WDR72: variants seen among roughly 807,000 people sequenced by gnomAD.
WDR72 encodes the protein WD repeat-containing protein 72.
A neutral mutation model predicts 124.2 loss-of-function variants in WDR72; 120 were observed. That is an observed-to-expected ratio of 0.97 (90% CI 0.83 to 1.12). The LOEUF is 1.12. Ranked by LOEUF, WDR72 falls within the 50% of genes most tolerant of loss-of-function variation. The pLI, the probability that WDR72 is intolerant of heterozygous loss-of-function variation, is 0.00. For missense variants in WDR72, 1,387 were observed against 1,278.8 expected (o/e 1.08, Z -1.29); for synonymous variants, 452 against 441.7 (o/e 1.02, Z -0.29).
Position 53,523,242 on chromosome 15 carries a change from C to T in WDR72, c.3229G>A (p.Ala1077Thr), listed in dbSNP as rs1363812323. 1 of 1,613,092 alleles carries T rather than the reference C, an allele frequency of 6.2e-7. No individual in the cohort carries two copies. Among genetic ancestry groups the T allele is most frequent in the Admixed American group, 1.7e-5 (1 of 59,954 alleles). ...CCTGGACTCTCAGACTCTTCCAAGGCACATCTGTCAGGCATGTCCTCCACG... is the reference window on the plus strand; with the variant it reads ...CCTGGACTCTCAGACTCTTCCAAGGTACATCTGTCAGGCATGTCCTCCACG... ...QDVEDMPDRCALEESESPGEP... is the reference protein window; with the variant it reads ...QDVEDMPDRCTLEESESPGEP... Residue 1077 changes from alanine to threonine, a missense_variant, in exon 19 of 20, where the codon GCC becomes ACC. Ala to Thr is a moderately conservative substitution (Grantham distance 58). Transcript: ENST00000360509.
intron 14 of WDR72, among the ~76,000 whole-genome samples, chr15:53,644,900 C>T (rs2140417748): frequency 6.6e-6 from 1 of 152,202 alleles, no homozygotes; most frequent in East Asian, 1.9e-4. Context: ...CATGGGGCCA[C>T]TACGCATCTT....
intron 17 of WDR72, among the ~76,000 whole-genome samples, chr15:53,600,533 T>A (rs1263693077): frequency 2.0e-5 from 3 of 152,180 alleles, no homozygotes; most frequent in Admixed American, 6.6e-5. Context: ...CTGGGACATA[T>A]GCTTATTAAC....
rs79860704 is a variant in WDR72, at chr15:53,638,340, A to T, written c.1963-22097T>A. Reference sequence around the variant, plus strand: ...GCAAAGTAAGAGATGCTCAGGTCCAATATCCAATCTAGCAGGGCTTTCATT... The same window carrying T: ...GCAAAGTAAGAGATGCTCAGGTCCATTATCCAATCTAGCAGGGCTTTCATT... On this transcript the variant is annotated intron_variant, in intron 14 of 19. Transcript: ENST00000360509. Among the ~76,000 whole-genome samples the T allele has an allele frequency of 1.5e-3, 232 of 152,306 alleles. 7 individuals carry two copies. In the East Asian group the frequency reaches 0.042, roughly 28 times the overall value.
chr15:53,710,376 C>CAG (rs1013194568), intron 9 of WDR72, among the ~76,000 whole-genome samples: 21 of 125,042 alleles, frequency 1.7e-4, no homozygotes, highest in Non-Finnish European at 3.6e-4. Context: ...CACACAAATG[C>CAG]AGAGAGAGAG....
chr15:53,578,460 A>G (rs1258555157), intron 18 of WDR72, among the ~76,000 whole-genome samples: 1 of 152,118 alleles, frequency 6.6e-6, no homozygotes, highest in African/African-American at 2.4e-5. Context: ...TGCTTGGCTC[A>G]TGGAAGGTAC....
chr15:53,536,941 C>G (rs1436092686), intron 18 of WDR72, among the ~76,000 whole-genome samples: 1 of 152,114 alleles, frequency 6.6e-6, no homozygotes, highest in Non-Finnish European at 1.5e-5. Context: ...TAAGCTCCAG[C>G]TCAAAGATGT....
At chr15:53,559,392 C>G (rs1344184980) in intron 18 of WDR72, among the ~76,000 whole-genome samples, 1 of 151,986 alleles carries the variant, frequency 6.6e-6, no homozygotes, top group Admixed American at 6.6e-5. Flanking sequence ...TCAGTCTCCC[C>G]AACAGACTCT....
intron 14 of WDR72, among the ~76,000 whole-genome samples, chr15:53,655,819 A>C (rs1395252248): frequency 1.3e-5 from 2 of 152,060 alleles, no homozygotes; most frequent in Admixed American, 6.6e-5. Flanking sequence ...CAGCCTCCTG[A>C]GTAGCTGGGA....
intron 14 of WDR72, among the ~76,000 whole-genome samples, chr15:53,654,368 G>A (rs2015343362): frequency 6.6e-6 from 1 of 151,898 alleles, no homozygotes; most frequent in Non-Finnish European, 1.5e-5. Flanking sequence ...AGATAGAGAA[G>A]TAAGGGCCCA....
At position 53,688,796 on chromosome 15, in the gene WDR72, A is replaced by G. The variant is rs535436088; in HGVS notation, c.1765+10954T>C. On this transcript the variant is annotated intron_variant, in intron 13 of 19. Transcript: ENST00000360509. ...AAAAGAACAAAGCTGGAGGCATCAC[A>G]CTACCTGACTTCAAACTATACTACA... Among the ~76,000 whole-genome samples the G allele has an allele frequency of 1.4e-4, 22 of 152,050 alleles. No individual in the cohort carries two copies. In the East Asian group the frequency reaches 2.9e-3, roughly 20 times the overall value.
rs1340302086 is a variant in WDR72 at position 53,523,101 on chromosome 15, T to C, written c.3253+117A>G. 3.2e-6 allele frequency: 3 copies of C among 931,568 alleles called. No homozygotes were observed. In the South Asian group the frequency reaches 3.9e-5, roughly 12 times the overall value. 57.7% of individuals were successfully genotyped at this position (931,568 alleles called of 1,614,324 possible). On this transcript the variant is annotated intron_variant, in intron 19 of 19. Transcript: ENST00000360509. Reference sequence around the variant, plus strand: ...CTGGAGGTGACCATTAATTTGACAGTGCAGCTGCTAAGAGAAAACAGCATT... The same window carrying C: ...CTGGAGGTGACCATTAATTTGACAGCGCAGCTGCTAAGAGAAAACAGCATT...
intron 2 of WDR72, among the ~76,000 whole-genome samples, chr15:53,727,821 C>T (rs1396153140): frequency 6.6e-6 from 1 of 152,186 alleles, no homozygotes; most frequent in African/African-American, 2.4e-5. Context: ...TGACAGTTCA[C>T]TAAAATTTCC....
intron 14 of WDR72, among the ~76,000 whole-genome samples, chr15:53,649,267 G>C (rs1243894144): frequency 6.6e-6 from 1 of 152,098 alleles, no homozygotes; most frequent in Admixed American, 6.6e-5. Context: ...AGTTGAGTAG[G>C]TGTACCAGAG....
chr15:53,708,487 T>G (rs970424692), intron 9 of WDR72, among the ~76,000 whole-genome samples: 2 of 152,198 alleles, frequency 1.3e-5, no homozygotes, highest in Non-Finnish European at 2.9e-5. Context: ...ACAATTCTGG[T>G]AATTCTTTTC....
At chr15:53,746,185 C>G (rs2018639823) in intron 1 of WDR72, among the ~76,000 whole-genome samples, 1 of 152,214 alleles carries the variant, frequency 6.6e-6, no homozygotes, top group African/African-American at 2.4e-5. Context: ...TCCAGCCCGC[C>G]TTCATCTTCT....
intron 14 of WDR72, among the ~76,000 whole-genome samples, chr15:53,629,191 CGAGAGA>C (rs5812700): frequency 7.4e-6 from 1 of 135,720 alleles, no homozygotes; most frequent in Non-Finnish European, 1.6e-5. Flanking sequence ...AGAGAGACAG[CGAGAGA>C]GAGAGAGAGA....
chr15:53,738,009 A>G (rs1389277466), intron 1 of WDR72, among the ~76,000 whole-genome samples: 1 of 152,222 alleles, frequency 6.6e-6, no homozygotes, highest in Admixed American at 6.5e-5. Context: ...CCACTCCTGT[A>G]ACATATGCAT....
chr15:53,671,663 G>A (rs1034264834), intron 13 of WDR72, among the ~76,000 whole-genome samples: 2 of 152,138 alleles, frequency 1.3e-5, no homozygotes, highest in African/African-American at 2.4e-5. Flanking sequence ...TAGAGCCCAG[G>A]AGAGGCCAAC....
In WDR72 at chr15:53,705,944, A is replaced by C. The variant is rs201744081; in HGVS notation, c.1085T>G (p.Phe362Cys). The change falls in exon 10 of 20, where the codon TTT becomes TGT. Residue 362 changes from phenylalanine (F) to cysteine (C), a missense_variant. Phe to Cys is a radical substitution (Grantham distance 205). Coordinates refer to ENST00000360509, the MANE Select transcript of WDR72 (RefSeq NM_182758.4). ...TGACTTACCTCTAGGAGAACCATCAAACTTGGATACAGGAACATCAGGGAT... is the reference window on the plus strand; with the variant it reads ...TGACTTACCTCTAGGAGAACCATCACACTTGGATACAGGAACATCAGGGAT... Reference protein sequence around the residue: ...WHIPDVPVSKFDGSPREIPVT... With the variant: ...WHIPDVPVSKCDGSPREIPVT... The C allele has an allele frequency of 3.7e-6, 6 of 1,614,120 alleles. No homozygotes were observed. In the South Asian group the frequency reaches 6.6e-5, roughly 18 times the overall value.
Sources: gnomAD v4.1 joint callset for allele counts (sites outside exome capture counted in the v4.1 genomes callset) on GRCh38, gnomAD v4.1.1 for gene constraint, MANE v1.5 for transcripts, NCBI Gene and HGNC (gene_info 2026-07-23, HGNC 2026-07-21) for gene names.